DPP6: variants seen among roughly 807,000 people sequenced by gnomAD.
DPP6 encodes the protein A-type potassium channel modulatory protein DPP6.
DPP6 carries 69 observed loss-of-function variants against 122.6 expected under a neutral mutation model. That is an observed-to-expected ratio of 0.56 (90% confidence interval 0.46 to 0.69). The LOEUF (loss-of-function observed/expected upper bound fraction) is 0.69. Among genes scored for constraint, DPP6 ranks in the 30% least tolerant of loss-of-function variants. DPP6 has a pLI of 0.00. For missense variants in DPP6, 928 were observed against 1,116.9 expected (o/e 0.83, Z 2.41); for synonymous variants, 418 against 433.1 (o/e 0.97, Z 0.43).
At chr7:154,175,721 C>CTT (rs34496609) in intron 1 of DPP6, among the ~76,000 whole-genome samples, 63,017 of 135,626 alleles carry the variant, frequency 0.46, 15,579 homozygotes, top group East Asian at 0.57. Context: ...TGGAGACTGG[C>CTT]TTTTTTTTTT....
chr7:154,128,233 T>C (rs995403759), intron 1 of DPP6, among the ~76,000 whole-genome samples: 6 of 151,188 alleles, frequency 4.0e-5, no homozygotes, highest in African/African-American at 9.8e-5. Context: ...ACTATGGCTA[T>C]TGGACCGTAC....
At chr7:154,401,796 C>T (rs563912180) in intron 1 of DPP6, among the ~76,000 whole-genome samples, 5 of 152,278 alleles carry the variant, frequency 3.3e-5, no homozygotes, top group East Asian at 3.9e-4. Flanking sequence ...AAACTACCAT[C>T]GGAGTGAACA....
At chr7:154,097,044 A>G (rs929065551) in intron 1 of DPP6, among the ~76,000 whole-genome samples, 2 of 152,234 alleles carry the variant, frequency 1.3e-5, no homozygotes, top group Non-Finnish European at 2.9e-5. Flanking sequence ...CCTGGCGTTC[A>G]CTGCAGCTGC....
At chr7:154,305,608 A>G in intron 1 of DPP6, 2 of 1,555,716 alleles carry the variant, frequency 1.3e-6, no homozygotes, top group South Asian at 1.2e-5. Flanking sequence ...GCATGCGTGC[A>G]TATGTGTGTG....
intron 1 of DPP6, among the ~76,000 whole-genome samples, chr7:154,004,698 G>A (rs1418420301): frequency 6.6e-6 from 1 of 151,348 alleles, no homozygotes; most frequent in Non-Finnish European, 1.5e-5. Flanking sequence ...CCTTCGAGAG[G>A]GAGGAGTCAT....
At chr7:153,968,499 T>G (rs1314475328) in intron 1 of DPP6, among the ~76,000 whole-genome samples, 6 of 152,016 alleles carry the variant, frequency 3.9e-5, no homozygotes, top group Admixed American at 3.9e-4. Context: ...AATATTTTGG[T>G]TTTTAGCATA....
chr7:153,855,689 AC>A, the DPP6 span, among the ~76,000 whole-genome samples: 2 of 152,146 alleles, frequency 1.3e-5, no homozygotes, highest in Non-Finnish European at 2.9e-5. Context: ...GTTTGGGCAC[AC>A]CTCAACACTC....
At chr7:154,098,535 A>G (rs1490362040) in intron 1 of DPP6, among the ~76,000 whole-genome samples, 2 of 151,894 alleles carry the variant, frequency 1.3e-5, no homozygotes, top group Non-Finnish European at 2.9e-5. Flanking sequence ...GAAGGAAACA[A>G]AGACTTTGTC....
intron 1 of DPP6, among the ~76,000 whole-genome samples, chr7:154,337,331 C>T (rs1457901208): frequency 6.6e-6 from 1 of 152,138 alleles, no homozygotes; most frequent in Non-Finnish European, 1.5e-5. Flanking sequence ...CTAAATTATC[C>T]CTATTCTTTT....
chr7:154,298,713 C>T (rs547820373), intron 1 of DPP6, among the ~76,000 whole-genome samples: 3 of 152,262 alleles, frequency 2.0e-5, no homozygotes, highest in African/African-American at 4.8e-5. Context: ...CAACCCTCAC[C>T]GTCCATACCC....
chr7:153,972,085 C>G (rs1409516200), intron 1 of DPP6, among the ~76,000 whole-genome samples: 1 of 151,142 alleles, frequency 6.6e-6, no homozygotes, highest in Non-Finnish European at 1.5e-5. Context: ...AATCTAGTCC[C>G]TGTTATTCCT....
chr7:154,164,591 A>G (rs1797148818), intron 1 of DPP6, among the ~76,000 whole-genome samples: 1 of 152,044 alleles, frequency 6.6e-6, no homozygotes. Context: ...CATCATCCAA[A>G]ATAGAAATCC....
chr7:153,767,652 T>C, the DPP6 span, among the ~76,000 whole-genome samples: 1 of 149,860 alleles, frequency 6.7e-6, no homozygotes, highest in Non-Finnish European at 1.5e-5. Flanking sequence ...GTGCTGGGAT[T>C]ATAGCCATAA....
At chr7:154,205,685 G>A (rs1257734498) in intron 1 of DPP6, among the ~76,000 whole-genome samples, 1 of 151,894 alleles carries the variant, frequency 6.6e-6, no homozygotes, top group Non-Finnish European at 1.5e-5. Context: ...CCGGCCTCCA[G>A]GCCCGGAGCA....
At chr7:154,066,552 G>A (rs975102934) in intron 1 of DPP6, among the ~76,000 whole-genome samples, 7 of 152,162 alleles carry the variant, frequency 4.6e-5, no homozygotes, top group Non-Finnish European at 4.4e-5. Flanking sequence ...GAGTGAGGCA[G>A]CTTAAGTGGT....
chr7:154,301,384 C>T (rs1266010614), intron 1 of DPP6, among the ~76,000 whole-genome samples: 1 of 152,124 alleles, frequency 6.6e-6, no homozygotes, highest in African/African-American at 2.4e-5. Context: ...GATTCATCCT[C>T]AAGTCTTCTC....
chr7:154,316,335 CATAAG>C lies in DPP6; in HGVS notation c.244-129873_244-129869del, dbSNP rs543558306. 4.9e-4 allele frequency among the ~76,000 whole-genome samples: 74 copies of C among 152,280 alleles called. 1 individual carries two copies. Among genetic ancestry groups the C allele is most frequent in the African/African-American group, 1.7e-3 (70 of 41,570 alleles). ...ATTCAGTCTTGCTGTGATTCATCTC[CATAAG>C]ATAAGTGAATATTCTCTCATTTACC... On this transcript the variant is annotated intron_variant, in intron 1 of 25. Transcript: ENST00000377770.
intron 1 of DPP6, among the ~76,000 whole-genome samples, chr7:154,352,634 A>G (rs1177873853): frequency 1.3e-5 from 2 of 149,260 alleles, no homozygotes; most frequent in African/African-American, 2.5e-5. Flanking sequence ...GTGAGAACAC[A>G]TGGACACAGG....
At chr7:154,784,102 G>A (rs1000935421) in intron 10 of DPP6, among the ~76,000 whole-genome samples, 1 of 152,108 alleles carries the variant, frequency 6.6e-6, no homozygotes, top group African/African-American at 2.4e-5. Flanking sequence ...GCTGCAAGGG[G>A]TCCTGTGTGT....
Sources: gnomAD v4.1 joint callset for allele counts (sites outside exome capture counted in the v4.1 genomes callset) on GRCh38, gnomAD v4.1.1 for gene constraint, MANE v1.5 for transcripts, NCBI Gene and HGNC (gene_info 2026-07-23, HGNC 2026-07-21) for gene names.